The following FAM98A variants were observed in gnomAD, a reference collection of about 807,000 sequenced individuals.
FAM98A encodes tRNA splicing ligase complex subunit 3A.
A neutral mutation model predicts 62.9 loss-of-function variants in FAM98A; 25 were observed. The ratio of observed to expected loss-of-function variants is 0.40; its 90% CI spans 0.29 to 0.56. The LOEUF (loss-of-function observed/expected upper bound fraction) is 0.56. Ranked by LOEUF, FAM98A falls within the 20% of genes least tolerant of loss-of-function variation. FAM98A has a pLI of 0.51. For missense variants in FAM98A, 653 were observed against 640.7 expected, an observed-to-expected ratio of 1.02 and a Z score of -0.21; for synonymous variants, 252 against 228.6, an observed-to-expected ratio of 1.10 and a Z score of -0.92.
At position 33,584,173 on chromosome 2, in the gene FAM98A, C is replaced by T. The variant is rs1677479864; in HGVS notation, c.*603G>A. 6.6e-6 allele frequency: 1 copy of T among 152,638 alleles called. No individual in the cohort carries two copies. The highest frequency in any genetic ancestry group is 1.5e-5 in the Non-Finnish European group (1 of 68,148). 9.5% of individuals were successfully genotyped at this position (152,638 alleles called of 1,614,324 possible). On this transcript the variant is annotated 3_prime_UTR_variant, in exon 8 of 8. Coordinates refer to ENST00000238823, the MANE Select transcript of FAM98A (RefSeq NM_015475.5). ...CGTGTTCAAGGTTTTCAGAGTTGAG[C>T]ATATGATACAGTATTCCATCAACAA... is the stretch of plus-strand genomic sequence containing the variant.
At chr2:33,587,433 T>C (rs1677581534) in intron 4 of FAM98A, 113 bp from the exon 5 acceptor site, 1 of 810,290 alleles carries the variant, frequency 1.2e-6, no homozygotes, top group Non-Finnish European at 2.1e-6. Context: ...GAGGCAAAGG[T>C]GGAGGATGTT....
intron 2 of FAM98A, among the ~76,000 whole-genome samples, chr2:33,594,456 G>A (rs1045414300): frequency 6.7e-6 from 1 of 148,252 alleles, no homozygotes; most frequent in Non-Finnish European, 1.5e-5. Context: ...AGGTCAATAG[G>A]TGTAGCAAAC....
chr2:33,596,439 G>A (rs181625737), intron 1 of FAM98A, among the ~76,000 whole-genome samples: 4 of 152,036 alleles, frequency 2.6e-5, no homozygotes, highest in African/African-American at 9.7e-5. Flanking sequence ...ATTCATAAAA[G>A]ATGACAGTCA....
intron 5 of FAM98A, chr2:33,586,888 C>T: frequency 1.8e-6 from 1 of 551,218 alleles, no homozygotes; most frequent in Admixed American, 3.1e-5. Context: ...ATGTGAAGTA[C>T]ACAATTCTTA....
chr2:33,587,450 T>A (rs1430355186), intron 4 of FAM98A, 130 bp from the exon 5 acceptor site: 1 of 719,902 alleles, frequency 1.4e-6, no homozygotes, highest in Non-Finnish European at 2.4e-6. Flanking sequence ...TGTTTTGAAA[T>A]GCAAATGTAA....
intron 4 of FAM98A, chr2:33,588,132 T>A: frequency 1.7e-6 from 1 of 585,302 alleles, no homozygotes; most frequent in Non-Finnish European, 3.1e-6. Context: ...AGAAACATGC[T>A]AACATGTTTT....
At position 33,588,193 on chromosome 2, in the gene FAM98A, A is replaced by G. The variant is rs986600957; in HGVS notation, c.522+142T>C. On this transcript the variant is annotated intron_variant, in intron 4 of 7. Coordinates refer to ENST00000238823, the MANE Select transcript of FAM98A (RefSeq NM_015475.5). The stretch of plus-strand genomic sequence containing the variant: ...ATCTTTAAGGCATCTAGGATTTAAA[A>G]CCCAAAACTCATTTCGTAACAATTA... The G allele has an allele frequency of 2.2e-5, 15 of 681,384 alleles. No individual in the cohort carries two copies. In the African/African-American group the frequency reaches 2.4e-4, roughly 11 times the overall value. The allele number at this position is 681,384 out of a possible 1,614,324, so 42.2% of individuals were successfully genotyped here.
At chr2:33,592,044 A>T (rs1018264059) in intron 3 of FAM98A, 36 bp downstream of exon 3, 2 of 1,569,078 alleles carry the variant, frequency 1.3e-6, no homozygotes, top group Non-Finnish European at 8.7e-7. Flanking sequence ...ACATAAACAG[A>T]AAGTAATAGC....
chr2:33,583,985 G>A lies in FAM98A; in HGVS notation c.*791C>T, dbSNP rs949164130. 2.0e-5 allele frequency: 3 copies of A among 152,550 alleles called. No individual in the cohort carries two copies. Among genetic ancestry groups the A allele is most frequent in the South Asian group, 2.1e-4 (1 of 4,832 alleles). The allele number at this position is 152,550 out of a possible 1,614,324, so 9.4% of individuals were successfully genotyped here. On this transcript the variant is annotated 3_prime_UTR_variant, in exon 8 of 8. Transcript: ENST00000238823. ...TTAACTCATGCATAAAACAAATTTC[G>A]GTTTGCTATTTCTTCTAGCAAATTT...
intron 2 of FAM98A, among the ~76,000 whole-genome samples, chr2:33,592,631 A>C (rs965755253): frequency 6.6e-6 from 1 of 152,200 alleles, no homozygotes; most frequent in African/African-American, 2.4e-5. Flanking sequence ...TGGCGTCTTC[A>C]AGTGCTGGGA....
Position 33,587,216 on chromosome 2 carries a change from T to G in FAM98A, c.603+24A>C, listed in dbSNP as rs1264373475. 9 of 1,426,680 alleles carry G rather than the reference T, an allele frequency of 6.3e-6. No individual in the cohort carries two copies. In the African/African-American group the frequency reaches 9.9e-5, roughly 16 times the overall value. The allele number at this position is 1,426,680 out of a possible 1,614,324, so 88.4% of individuals were successfully genotyped here. On this transcript the variant is annotated intron_variant, in intron 5 of 7. Transcript: ENST00000238823. Reference sequence around the variant, plus strand: ...TAAACTCTATAGTTCTTTACAAAGTTTACTCAAGATGATTACTACTCACCC... The same window carrying G: ...TAAACTCTATAGTTCTTTACAAAGTGTACTCAAGATGATTACTACTCACCC...
intron 3 of FAM98A, 69 bp downstream of exon 3, chr2:33,592,011 G>C: frequency 8.1e-7 from 1 of 1,236,144 alleles, no homozygotes; most frequent in Non-Finnish European, 1.1e-6. Flanking sequence ...AAAAAACCAT[G>C]GTCAGTTTAT....
rs1294153984 is a variant in FAM98A at position 33,594,644 on chromosome 2, TATATATACACAC to T, written c.202+833_202+844del. On this transcript the variant is annotated intron_variant, in intron 2 of 7. Transcript: ENST00000238823. ...ATATACACACATATATATACACATATATATATACACACATATATATACACATATATATATACA... is the reference window on the plus strand; with the variant it reads ...ATATACACACATATATATACACATATATATATATACACATATATATATACA... Among the ~76,000 whole-genome samples the T allele has an allele frequency of 3.6e-4, 33 of 91,756 alleles. 9 individuals are homozygous for T. The highest frequency in any genetic ancestry group is 2.1e-3 in the African/African-American group (29 of 14,088). 60.2% of individuals were successfully genotyped at this position (91,756 alleles called of 152,430 possible).
Position 33,584,844 on chromosome 2 carries a change from G to A in FAM98A, c.1489C>T (p.His497Tyr). Residue 497 changes from histidine to tyrosine, a missense_variant, in exon 8 of 8, where the codon CAT (histidine) becomes TAT (tyrosine). Transcript: ENST00000238823. ...NYHQGGQFEQ[H>Y]FQHGGYQYNH... ...TACTGATAACCTCCATGCTGGAAAT[G>A]CTGTTCAAATTGACCCCCTTGGTGA... 2.5e-6 allele frequency: 4 copies of A among 1,614,106 alleles called. No individual in the cohort carries two copies. Among genetic ancestry groups the A allele is most frequent in the Non-Finnish European group, 3.4e-6 (4 of 1,179,988 alleles).
At position 33,585,096 on chromosome 2, in the gene FAM98A, GGCCACCATGATA is replaced by G; in HGVS notation, c.1225_1236del (p.Tyr409_Gly412del). ...CCGCCTTGATAGCCACCACTGCTGT[GGCCACCATGATA>G]GCCACCTGGCTGGAAACCTGAATCT... On this transcript the variant is annotated inframe_deletion, in exon 8 of 8. Transcript: ENST00000238823. The G allele has an allele frequency of 6.2e-7, 1 of 1,614,102 alleles. No homozygotes were observed. The highest frequency in any genetic ancestry group is 1.1e-5 in the South Asian group (1 of 91,068).
At chr2:33,597,284 A>T (rs1459150089) in intron 1 of FAM98A, among the ~76,000 whole-genome samples, 3 of 152,148 alleles carry the variant, frequency 2.0e-5, no homozygotes, top group African/African-American at 7.2e-5. Flanking sequence ...GCTTGAGGCT[A>T]GGAGTTCGAG....
chr2:33,593,391 G>A (rs1478485009), intron 2 of FAM98A, among the ~76,000 whole-genome samples: 2 of 152,132 alleles, frequency 1.3e-5, no homozygotes, highest in East Asian at 3.9e-4. Flanking sequence ...GTGACAGAGT[G>A]AGATCTTGTC....
chr2:33,594,407 G>C (rs1677742950), intron 2 of FAM98A, among the ~76,000 whole-genome samples: 1 of 151,712 alleles, frequency 6.6e-6, no homozygotes, highest in Non-Finnish European at 1.5e-5. Context: ...ACCAGGGCCT[G>C]TTGCGGGTTA....
Position 33,585,192 on chromosome 2 carries a change from C to T in FAM98A, c.1141G>A (p.Gly381Arg). The T allele has an allele frequency of 6.2e-7, 1 of 1,614,082 alleles. No individual in the cohort carries two copies. Among genetic ancestry groups the T allele is most frequent in the Non-Finnish European group, 8.5e-7 (1 of 1,179,994 alleles). Reference protein sequence around the residue: ...RGGGRGNKHQGGWTDGGSGGG... With the variant: ...RGGGRGNKHQRGWTDGGSGGG... ...CCACTCCCTCCATCTGTCCAGCCTC[C>T]TTGATGCTTATTTCCTCTTCCTCCC... Residue 381 changes from glycine to arginine, a missense_variant, in exon 8 of 8, where the codon GGA (glycine) becomes AGA (arginine). Coordinates refer to ENST00000238823, the MANE Select transcript of FAM98A (RefSeq NM_015475.5).
Sources: allele counts gnomAD v4.1 joint callset (sites outside exome capture counted in the v4.1 genomes callset), GRCh38; gene constraint gnomAD v4.1.1; transcripts MANE v1.5; gene names NCBI Gene and HGNC (gene_info 2026-07-23, HGNC 2026-07-21).